ATXN1: variants seen among roughly 807,000 people sequenced by gnomAD.
ATXN1 encodes the protein ataxin 1.
A neutral mutation model predicts 56.4 loss-of-function variants in ATXN1; 8 were observed. That is an observed-to-expected ratio of 0.14 (90% confidence interval 0.08 to 0.26). The LOEUF is 0.26. Among genes scored for constraint, ATXN1 ranks in the 10% least tolerant of loss-of-function variants. The pLI is 1.00. For missense variants in ATXN1, 987 were observed against 1,106.5 expected (o/e 0.89, Z 1.53); for synonymous variants, 514 against 494.6 (o/e 1.04, Z -0.52).
intron 3 of ATXN1, among the ~76,000 whole-genome samples, chr6:16,647,244 C>T (rs1281186427): frequency 1.3e-5 from 2 of 152,130 alleles, no homozygotes; most frequent in Non-Finnish European, 2.9e-5. Flanking sequence ...CCTTGTGATC[C>T]ACCCACCATG....
At chr6:16,746,508 C>G (rs932382883) in intron 2 of ATXN1, among the ~76,000 whole-genome samples, 7 of 152,326 alleles carry the variant, frequency 4.6e-5, no homozygotes, top group Middle Eastern at 6.8e-3. Context: ...CTTGATATTA[C>G]TGCTTAGAAA....
In ATXN1 at chr6:16,398,146, C is replaced by T. The variant is rs73724857; in HGVS notation, c.-160-69676G>A. On this transcript the variant is annotated intron_variant, in intron 6 of 7. Coordinates refer to ENST00000436367, the MANE Select transcript of ATXN1 (RefSeq NM_001128164.2). ...CTTCTCTCCTTCCTTTAGTTAGCAA[C>T]GCAGCCAACTTTGAGGCACCCACAT... Among the ~76,000 whole-genome samples, 1,365 of 152,230 alleles carry T rather than the reference C, an allele frequency of 9.0e-3. 19 individuals are homozygous for T. The highest frequency in any genetic ancestry group is 0.031 in the African/African-American group (1,281 of 41,524).
At chr6:16,319,392 G>T (rs1760593101) in intron 7 of ATXN1, among the ~76,000 whole-genome samples, 2 of 152,172 alleles carry the variant, frequency 1.3e-5, no homozygotes. Context: ...TCTGGAACAG[G>T]CAAAACTATG....
chr6:16,403,693 C>G (rs1758628120), intron 6 of ATXN1, among the ~76,000 whole-genome samples: 1 of 152,096 alleles, frequency 6.6e-6, no homozygotes, highest in Non-Finnish European at 1.5e-5. Flanking sequence ...ATATTTATTA[C>G]CCTGTCCCCT....
chr6:16,463,984 T>C (rs1054200271), intron 6 of ATXN1, among the ~76,000 whole-genome samples: 1 of 152,114 alleles, frequency 6.6e-6, no homozygotes, highest in Non-Finnish European at 1.5e-5. Context: ...CCTAGAGTGT[T>C]CCCCTCTGGA....
rs1223931908 is a variant in ATXN1 at position 16,326,357 on chromosome 6, T to C, written c.1917+37A>G. 6.2e-7 allele frequency: 1 copy of C among 1,606,224 alleles called. No individual in the cohort carries two copies. Among genetic ancestry groups the C allele is most frequent in the Non-Finnish European group, 8.5e-7 (1 of 1,176,540 alleles). Reference sequence around the variant, plus strand: ...AGGAGATGATGATGGCATCACGGTGTGGTGTCCCATCCCTGTGCCACCCTG... The same window carrying C: ...AGGAGATGATGATGGCATCACGGTGCGGTGTCCCATCCCTGTGCCACCCTG... On this transcript the variant is annotated intron_variant, in intron 7 of 7. Coordinates refer to ENST00000436367, the MANE Select transcript of ATXN1 (RefSeq NM_001128164.2). This position sits in a 1 kb window ranked among gnomAD's most constrained non-coding sequence, Gnocchi z 6.6.
chr6:16,674,499 A>C (rs1339251834), intron 2 of ATXN1, among the ~76,000 whole-genome samples: 7 of 148,546 alleles, frequency 4.7e-5, no homozygotes, highest in Admixed American at 2.0e-4. Flanking sequence ...ACAGGCGCCC[A>C]CCACCACGCC....
chr6:16,442,544 T>A (rs1021614005), intron 6 of ATXN1, among the ~76,000 whole-genome samples: 1 of 151,454 alleles, frequency 6.6e-6, no homozygotes, highest in Non-Finnish European at 1.5e-5. Flanking sequence ...CTAACATAGA[T>A]GTTAAGTGGG....
At chr6:16,345,422 T>TG (rs1761354799) in intron 6 of ATXN1, among the ~76,000 whole-genome samples, 1 of 152,242 alleles carries the variant, frequency 6.6e-6, no homozygotes, top group Non-Finnish European at 1.5e-5. Context: ...CTGGATTTAC[T>TG]GGAAGAGGTG....
At chr6:16,584,261 C>T (rs1028892653) in intron 4 of ATXN1, among the ~76,000 whole-genome samples, 1 of 108,640 alleles carries the variant, frequency 9.2e-6, no homozygotes, top group African/African-American at 2.8e-5. Flanking sequence ...CACACACACA[C>T]ACACACACAC....
intron 3 of ATXN1, among the ~76,000 whole-genome samples, chr6:16,604,657 C>A (rs1344146406): frequency 6.8e-6 from 1 of 147,870 alleles, no homozygotes; most frequent in African/African-American, 2.5e-5. Flanking sequence ...ACAATCAGAG[C>A]TCACTGCAGC....
At chr6:16,318,214 CCT>C (rs1760559932) in intron 7 of ATXN1, among the ~76,000 whole-genome samples, 1 of 152,158 alleles carries the variant, frequency 6.6e-6, no homozygotes, top group African/African-American at 2.4e-5. Context: ...CACAAGAGTC[CCT>C]GTTTTCACAA....
intron 6 of ATXN1, among the ~76,000 whole-genome samples, chr6:16,339,113 G>C (rs751060204): frequency 1.3e-5 from 2 of 152,150 alleles, no homozygotes; most frequent in African/African-American, 2.4e-5. Flanking sequence ...ACATCCCGCA[G>C]GGAAGGCTGC....
intron 6 of ATXN1, among the ~76,000 whole-genome samples, chr6:16,384,084 C>T (rs941563329): frequency 6.6e-6 from 1 of 152,178 alleles, no homozygotes; most frequent in Non-Finnish European, 1.5e-5. Flanking sequence ...AACGCATGCA[C>T]CTGATTGCAA....
At chr6:16,622,859 C>G (rs1217953659) in intron 3 of ATXN1, among the ~76,000 whole-genome samples, 3 of 151,950 alleles carry the variant, frequency 2.0e-5, no homozygotes. Context: ...TTCTAAGCTT[C>G]TAGCCTTTTT....
At chr6:16,414,815 T>C (rs1398548895) in intron 6 of ATXN1, among the ~76,000 whole-genome samples, 1 of 152,218 alleles carries the variant, frequency 6.6e-6, no homozygotes, top group Non-Finnish European at 1.5e-5. Flanking sequence ...TTCTACTCAA[T>C]ATGTTGGTGG....
chr6:16,367,356 TCTCTCTCA>T (rs906006284), intron 6 of ATXN1, among the ~76,000 whole-genome samples: 12 of 118,086 alleles, frequency 1.0e-4, no homozygotes, highest in African/African-American at 2.3e-4. Flanking sequence ...TCTCTCTCTC[TCTCTCTCA>T]CACACACACA....
At chr6:16,723,463 G>A (rs2113472824) in intron 2 of ATXN1, among the ~76,000 whole-genome samples, 1 of 152,228 alleles carries the variant, frequency 6.6e-6, no homozygotes, top group Non-Finnish European at 1.5e-5. Flanking sequence ...AAAAGGAGGA[G>A]GAAGAGACAA....
intron 4 of ATXN1, among the ~76,000 whole-genome samples, chr6:16,544,678 C>T (rs550688935): frequency 2.6e-5 from 4 of 152,240 alleles, no homozygotes; most frequent in South Asian, 2.1e-4. Context: ...GAGTGAGCCA[C>T]GATTTGTAAC....
Sources: allele counts gnomAD v4.1 joint callset (sites outside exome capture counted in the v4.1 genomes callset), GRCh38; gene constraint gnomAD v4.1.1; non-coding constraint Gnocchi (gnomAD v3.1); transcripts MANE v1.5; gene names NCBI Gene and HGNC (gene_info 2026-07-23, HGNC 2026-07-21).